FAT3: variants seen among roughly 807,000 people sequenced by gnomAD.
FAT3 encodes the protein protocadherin Fat 3.
FAT3 carries 95 observed loss-of-function variants against 310.2 expected under a neutral mutation model. The ratio of observed to expected loss-of-function variants is 0.31; its 90% CI spans 0.26 to 0.36. The LOEUF is 0.36. Ranked by LOEUF, FAT3 falls within the 10% of genes least tolerant of loss-of-function variation. FAT3 has a pLI of 1.00. For synonymous variants in FAT3, 2,314 were observed against 2,192.9 expected, an observed-to-expected ratio of 1.06 and a Z score of -1.54; for missense variants, 5,408 against 5,715.6, an observed-to-expected ratio of 0.95 and a Z score of 1.74.
chr11:92,353,901 A>G lies in FAT3; in HGVS notation c.1789A>G (p.Ile597Val), dbSNP rs1210490220. Residue 597 changes from isoleucine to valine, a missense_variant, in exon 2 of 28, where the codon ATC becomes GTC. Ile to Val is a conservative substitution (Grantham distance 29, BLOSUM62 3). This residue lies in a region of FAT3 where 4,588 missense variants were observed against 4,809.8 expected (regional missense o/e 0.95). Transcript: ENST00000525166. ...ISYDFPVGGHITAVSAIDIDE... is the reference protein window; with the variant it reads ...ISYDFPVGGHVTAVSAIDIDE... ...ATATGACTTTCCAGTTGGTGGTCAC[A>G]TCACAGCAGTCTCAGCGATCGATAT... The G allele has an allele frequency of 6.2e-7, 1 of 1,613,006 alleles. No individual in the cohort carries two copies. Among genetic ancestry groups the G allele is most frequent in the Non-Finnish European group, 8.5e-7 (1 of 1,179,126 alleles).
chr11:92,575,075 A>G (rs991802195), intron 3 of FAT3, among the ~76,000 whole-genome samples: 25 of 152,044 alleles, frequency 1.6e-4, no homozygotes, highest in Non-Finnish European at 3.5e-4. Context: ...TGTCCTTGTT[A>G]TTTCCCCTTT....
At position 92,541,789 on chromosome 11, in the gene FAT3, G is replaced by A. The variant is rs536551540; in HGVS notation, c.3607+16841G>A. On this transcript the variant is annotated intron_variant, in intron 3 of 27. Coordinates refer to ENST00000525166, the MANE Select transcript of FAT3 (RefSeq NM_001367949.2). The stretch of plus-strand genomic sequence containing the variant: ...GCGATTTGATATGTGGGGGGAGAAA[G>A]CAGGTAATTATTTGGAAAATGCCCG... 1.5e-4 allele frequency among the ~76,000 whole-genome samples: 23 copies of A among 152,224 alleles called. No homozygotes were observed. In the South Asian group the frequency reaches 4.2e-3, roughly 27 times the overall value.
rs1350906225 is a variant in FAT3, at chr11:92,803,449, G to A, written c.8896+1540G>A. Among the ~76,000 whole-genome samples the A allele has an allele frequency of 2.0e-5, 3 of 152,334 alleles. No homozygotes were observed. In the East Asian group the frequency reaches 5.8e-4, roughly 29 times the overall value. On this transcript the variant is annotated intron_variant, in intron 10 of 27. Transcript: ENST00000525166. Reference sequence around the variant, plus strand: ...AGAACACTGTGGGCCTGCACTGAAAGCATTTAATAGAGAGGTTAAGTTTGT... The same window carrying A: ...AGAACACTGTGGGCCTGCACTGAAAACATTTAATAGAGAGGTTAAGTTTGT...
At chr11:92,782,184 G>A (rs925568209) in intron 7 of FAT3, among the ~76,000 whole-genome samples, 2 of 152,012 alleles carry the variant, frequency 1.3e-5, no homozygotes, top group African/African-American at 4.8e-5. Flanking sequence ...TTAGCCAGAT[G>A]TGGTGGTCAC....
chr11:92,644,767 G>A (rs1279196927), intron 3 of FAT3, among the ~76,000 whole-genome samples: 1 of 152,204 alleles, frequency 6.6e-6, no homozygotes, highest in Non-Finnish European at 1.5e-5. Context: ...ATTGCACTTT[G>A]GGGGCAGAGT....
intron 4 of FAT3, among the ~76,000 whole-genome samples, chr11:92,733,211 A>C (rs1415708076): frequency 6.6e-6 from 1 of 152,232 alleles, no homozygotes; most frequent in East Asian, 1.9e-4. Context: ...CTCTGGAAGA[A>C]ACAGGCTCAG....
At chr11:92,287,622 T>A (rs1278246385) in intron 1 of FAT3, among the ~76,000 whole-genome samples, 1 of 152,190 alleles carries the variant, frequency 6.6e-6, no homozygotes, top group Non-Finnish European at 1.5e-5. Context: ...ATCTATTTCA[T>A]GTTTCTCCTA....
intron 7 of FAT3, among the ~76,000 whole-genome samples, chr11:92,781,435 A>G (rs1197378089): frequency 6.6e-6 from 1 of 152,076 alleles, no homozygotes. Flanking sequence ...CATTACACTC[A>G]TTTCCAGTGA....
intron 2 of FAT3, among the ~76,000 whole-genome samples, chr11:92,431,431 A>T (rs1052832198): frequency 5.3e-5 from 8 of 152,108 alleles, no homozygotes; most frequent in African/African-American, 1.9e-4. Flanking sequence ...AGATCAGTAG[A>T]TTGCAAAAAT....
chr11:92,848,060 G>T (rs1211672991), intron 19 of FAT3, among the ~76,000 whole-genome samples: 1 of 152,114 alleles, frequency 6.6e-6, no homozygotes, highest in Non-Finnish European at 1.5e-5. Context: ...GGAATAATTA[G>T]CATGATAAAT....
At chr11:92,526,342 A>T (rs976311382) in intron 3 of FAT3, among the ~76,000 whole-genome samples, 5 of 152,178 alleles carry the variant, frequency 3.3e-5, no homozygotes, top group Non-Finnish European at 7.3e-5. Flanking sequence ...GAGAGAGAGA[A>T]CAAAAACAAA....
intron 3 of FAT3, among the ~76,000 whole-genome samples, chr11:92,655,747 A>C (rs1036547026): frequency 4.6e-5 from 7 of 152,084 alleles, no homozygotes; most frequent in Non-Finnish European, 1.0e-4. Context: ...GTATTCAGCT[A>C]TTCAACGTTC....
rs140396115 is a variant in FAT3, at chr11:92,541,928, A to G, written c.3607+16980A>G. On this transcript the variant is annotated intron_variant, in intron 3 of 27. Transcript: ENST00000525166. ...TTCACACTATTAAAACACTTTATCT[A>G]TGATAGGTTTAGAATCACCTGTTTT... 5.6e-3 allele frequency among the ~76,000 whole-genome samples: 848 copies of G among 152,204 alleles called. 4 individuals carry two copies. Among genetic ancestry groups the G allele is most frequent in the African/African-American group, 0.019 (804 of 41,550 alleles).
At chr11:92,640,767 C>G (rs1591552227) in intron 3 of FAT3, among the ~76,000 whole-genome samples, 2 of 152,148 alleles carry the variant, frequency 1.3e-5, no homozygotes, top group South Asian at 4.1e-4. Context: ...GTATTGTTTT[C>G]TTTCTCAATT....
chr11:92,365,859 C>T (rs2017343666), intron 2 of FAT3, among the ~76,000 whole-genome samples: 2 of 152,218 alleles, frequency 1.3e-5, no homozygotes, highest in Admixed American at 1.3e-4. Flanking sequence ...CTGATGACCA[C>T]ATGTGGGGCT....
intron 4 of FAT3, among the ~76,000 whole-genome samples, chr11:92,759,030 A>G (rs1444251691): frequency 6.6e-6 from 1 of 152,206 alleles, no homozygotes; most frequent in African/African-American, 2.4e-5. Flanking sequence ...TTTGGTGATC[A>G]GGAAATAGGC....
At chr11:92,277,109 C>T (rs1374001831) in intron 1 of FAT3, among the ~76,000 whole-genome samples, 2 of 151,988 alleles carry the variant, frequency 1.3e-5, no homozygotes, top group Non-Finnish European at 2.9e-5. Context: ...ACCAGTTGTA[C>T]TTATATATTT....
At chr11:92,294,151 C>T (rs923048721) in intron 1 of FAT3, among the ~76,000 whole-genome samples, 1 of 152,040 alleles carries the variant, frequency 6.6e-6, no homozygotes, top group East Asian at 1.9e-4. Context: ...GGCCTGTAGA[C>T]AATTGCCTTC....
intron 2 of FAT3, among the ~76,000 whole-genome samples, chr11:92,453,609 G>T (rs1393650784): frequency 6.6e-6 from 1 of 152,020 alleles, no homozygotes; most frequent in Non-Finnish European, 1.5e-5. Context: ...CTAGCTCTGA[G>T]AAGTCCTTCA....
Sources: allele counts gnomAD v4.1 joint callset (sites outside exome capture counted in the v4.1 genomes callset), GRCh38; gene constraint gnomAD v4.1.1; regional missense constraint gnomAD v4.1.1; transcripts MANE v1.5; gene names NCBI Gene and HGNC (gene_info 2026-07-23, HGNC 2026-07-21).